ZPLD1: variants seen among roughly 807,000 people sequenced by gnomAD.
ZPLD1 encodes the protein zona pellucida-like domain-containing protein 1.
ZPLD1 carries 34 observed loss-of-function variants against 47.2 expected under a neutral mutation model. The ratio of observed to expected loss-of-function variants is 0.72; its 90% confidence interval spans 0.55 to 0.96. The LOEUF (loss-of-function observed/expected upper bound fraction) is 0.96. Ranked by LOEUF, ZPLD1 falls within the 40% of genes least tolerant of loss-of-function variation. The probability of loss-of-function intolerance (pLI) is 0.00; values close to 1 mark genes in which losing one functional copy is unlikely to be tolerated. For synonymous variants in ZPLD1, 176 were observed against 186.2 expected (o/e 0.95, Z 0.45); for missense variants, 512 against 505.8 (o/e 1.01, Z -0.12).
chr3:102,450,236 T>TAA (rs1035199059), intron 3 of ZPLD1, among the ~76,000 whole-genome samples: 3 of 152,188 alleles, frequency 2.0e-5, no homozygotes, highest in African/African-American at 7.2e-5. Context: ...ATTATGTTTT[T>TAA]AAAAATGCCG....
At chr3:102,424,566 G>A (rs147676406) in intron 8 of ZPLD1, among the ~76,000 whole-genome samples, 4 of 152,202 alleles carry the variant, frequency 2.6e-5, no homozygotes, top group East Asian at 3.9e-4. Flanking sequence ...CTACTTCTGC[G>A]AACCCAATCA....
At chr3:102,424,375 CCTCT>C (rs1229618804) in intron 8 of ZPLD1, among the ~76,000 whole-genome samples, 2 of 152,002 alleles carry the variant, frequency 1.3e-5, no homozygotes, top group African/African-American at 2.4e-5. Flanking sequence ...ATATCTATTC[CCTCT>C]AATTCCTTAC....
intron 8 of ZPLD1, among the ~76,000 whole-genome samples, chr3:102,421,935 C>T (rs1706884635): frequency 6.6e-6 from 1 of 151,624 alleles, no homozygotes; most frequent in Admixed American, 6.6e-5. Context: ...TAAAAACATA[C>T]AAAAATAAAT....
At chr3:102,469,227 G>C (rs755796092) in intron 9 of ZPLD1, 92 bp downstream of exon 9, 2 of 1,340,498 alleles carry the variant, frequency 1.5e-6, no homozygotes, top group Non-Finnish European at 2.0e-6. Context: ...CATAGAAAGT[G>C]GATATGTGTT....
chr3:102,433,719 C>T (rs887367845), upstream of ZPLD1, among the ~76,000 whole-genome samples: 2 of 151,986 alleles, frequency 1.3e-5, no homozygotes, highest in Admixed American at 6.6e-5. Context: ...TTAGAAGAGA[C>T]GTGGTTTCAC....
At chr3:102,437,718 A>G (rs1394718335) in intron 2 of ZPLD1, among the ~76,000 whole-genome samples, 1 of 152,176 alleles carries the variant, frequency 6.6e-6, no homozygotes, top group South Asian at 2.1e-4. Flanking sequence ...GTAAAAGTCC[A>G]TTTCTATTTA....
At chr3:102,449,650 G>A (rs1004039584) in intron 3 of ZPLD1, among the ~76,000 whole-genome samples, 8 of 152,098 alleles carry the variant, frequency 5.3e-5, no homozygotes, top group Non-Finnish European at 1.2e-4. Flanking sequence ...TTGCATTGCT[G>A]TGTTCAAGTA....
At chr3:102,467,836 TAC>T (rs61096565) in intron 8 of ZPLD1, among the ~76,000 whole-genome samples, 26,870 of 140,656 alleles carry the variant, frequency 0.19, 2,515 homozygotes, top group African/African-American at 0.27. Flanking sequence ...AATAAAACTG[TAC>T]ACACACACAC....
At chr3:102,390,507 A>G (rs1171529148) in intron 6 of ZPLD1, among the ~76,000 whole-genome samples, 1 of 152,234 alleles carries the variant, frequency 6.6e-6, no homozygotes, top group African/African-American at 2.4e-5. Flanking sequence ...TCAGGTATTT[A>G]GAGCAAAGAG....
intron 8 of ZPLD1, among the ~76,000 whole-genome samples, chr3:102,468,014 G>A (rs186980888): frequency 9.2e-5 from 14 of 152,070 alleles, no homozygotes; most frequent in Admixed American, 3.3e-4. Flanking sequence ...TTGATCAAAA[G>A]ACACAAACCA....
intron 7 of ZPLD1, among the ~76,000 whole-genome samples, chr3:102,402,733 C>T (rs555458862): frequency 6.6e-6 from 1 of 151,966 alleles, no homozygotes; most frequent in African/African-American, 2.4e-5. Context: ...CAAGCAAAAA[C>T]CCAGAGGTTA....
intron 6 of ZPLD1, among the ~76,000 whole-genome samples, chr3:102,389,982 T>C (rs1355083416): frequency 6.6e-6 from 1 of 152,114 alleles, no homozygotes; most frequent in Non-Finnish European, 1.5e-5. Flanking sequence ...ATAAGTGTAT[T>C]TTTGGACTGG....
At chr3:102,457,384 C>T (rs116468481) in intron 5 of ZPLD1, among the ~76,000 whole-genome samples, 2,034 of 152,254 alleles carry the variant, frequency 0.013, 50 homozygotes, top group African/African-American at 0.046. Flanking sequence ...TTCAATTTAT[C>T]ATTTACCTAC....
chr3:102,399,093 C>T lies in ZPLD1; in HGVS notation c.-157+6868C>T, dbSNP rs150345308. The stretch of plus-strand genomic sequence containing the variant: ...CCAGAATCTTTCCCCACACCATTTA[C>T]TCCACCACATTTGCCCTGTGATCAC... On this transcript the variant is annotated intron_variant, in intron 7 of 17. Coordinates refer to the ZPLD1 transcript ENST00000491959. Among the ~76,000 whole-genome samples the T allele has an allele frequency of 7.4e-3, 1,126 of 152,234 alleles. 13 individuals are homozygous for T. Among genetic ancestry groups the T allele is most frequent in the African/African-American group, 0.025 (1,047 of 41,570 alleles).
At chr3:102,423,981 T>A (rs1576137958) in intron 8 of ZPLD1, among the ~76,000 whole-genome samples, 2 of 152,160 alleles carry the variant, frequency 1.3e-5, no homozygotes, top group East Asian at 3.9e-4. Context: ...ACTAGAGTGC[T>A]ACAGGAGAAA....
Position 102,459,067 on chromosome 3 carries a change from G to A in ZPLD1, c.582+1214G>A, listed in dbSNP as rs1331556741. ...ATAGCACCACTGCACTCCAGCCTGG[G>A]AGACAGAGCGAGACTCCGTCTCAAA... On this transcript the variant is annotated intron_variant, in intron 6 of 11. Transcript: ENST00000466937. 5.6e-5 allele frequency among the ~76,000 whole-genome samples: 7 copies of A among 125,266 alleles called. No individual in the cohort carries two copies. In the East Asian group the frequency reaches 1.7e-3, roughly 31 times the overall value. The allele number at this position is 125,266 out of a possible 152,430, so 82.2% of individuals were successfully genotyped here.
chr3:102,439,352 G>A (rs1027480496), intron 3 of ZPLD1, among the ~76,000 whole-genome samples: 1 of 152,186 alleles, frequency 6.6e-6, no homozygotes, highest in Non-Finnish European at 1.5e-5. Context: ...CAGCAAACCT[G>A]CATAGAGCAA....
rs56086826 is a variant in ZPLD1, at chr3:102,452,114, C to CGTGT, written c.107-765_107-762dup. Among the ~76,000 whole-genome samples the CGTGT allele has an allele frequency of 1.5e-3, 213 of 141,802 alleles. 1 individual carries two copies. The highest frequency in any genetic ancestry group is 7.3e-3 in the South Asian group (30 of 4,136). 93.0% of individuals were successfully genotyped at this position (141,802 alleles called of 152,430 possible). A position where few individuals can be genotyped will look rare whatever the true frequency, so the allele number is the denominator to read the frequency against. ...AATAACCAAATAGAGATATGAAGAC[C>CGTGT]GTGTGTGTGTGTGTGTGTGTGTGTG... On this transcript the variant is annotated intron_variant, in intron 3 of 11. Coordinates refer to ENST00000466937, the MANE Select transcript of ZPLD1 (RefSeq NM_001329788.2).
chr3:102,453,034 T>C lies in ZPLD1; in HGVS notation c.222T>C (p.His74=), dbSNP rs1707362030. 1 of 1,614,156 alleles carries C rather than the reference T, an allele frequency of 6.2e-7. No homozygotes were observed. Among genetic ancestry groups the C allele is most frequent in the Non-Finnish European group, 8.5e-7 (1 of 1,179,996 alleles). Residue 74 remains histidine, a synonymous_variant, in exon 4 of 12, where the codon CAT becomes CAC. Coordinates refer to ENST00000466937, the MANE Select transcript of ZPLD1 (RefSeq NM_001329788.2). ...SETDLALNGR[H]GDSHCRGFIN... is the part of the protein sequence containing the mutation. ...CAGATCTGGCACTGAATGGAAGGCATGGGGACTCCCACTGCAGAGGGTTCA... is the reference window on the plus strand; with the variant it reads ...CAGATCTGGCACTGAATGGAAGGCACGGGGACTCCCACTGCAGAGGGTTCA...
Sources: gnomAD v4.1 joint callset for allele counts (sites outside exome capture counted in the v4.1 genomes callset) on GRCh38, gnomAD v4.1.1 for gene constraint, MANE v1.5 for transcripts, NCBI Gene and HGNC (gene_info 2026-07-23, HGNC 2026-07-21) for gene names.